RRBP1: variants seen among roughly 807,000 people sequenced by gnomAD.
RRBP1 encodes ribosome binding protein 1, also known as ribosome-binding protein 1.
Under a neutral mutation model 165.2 loss-of-function variants are expected in RRBP1, and 94 were observed. The ratio of observed to expected loss-of-function variants is 0.57; its 90% CI spans 0.48 to 0.68. RRBP1 has a LOEUF of 0.68. Ranked by LOEUF, RRBP1 falls within the 30% of genes least tolerant of loss-of-function variation. The pLI is 0.00. For synonymous variants in RRBP1, 680 were observed against 714.5 expected (o/e 0.95, Z 0.77); for missense variants, 1,676 against 1,763.0 (o/e 0.95, Z 0.88).
chr20:17,627,838 C>A (rs533279384), intron 9 of RRBP1, among the ~76,000 whole-genome samples, 156 bp from the exon 10 acceptor site: 1 of 152,188 alleles, frequency 6.6e-6, no homozygotes, highest in African/African-American at 2.4e-5. Flanking sequence ...TACTACTGAC[C>A]ACTGGGGCCT....
intron 3 of RRBP1, among the ~76,000 whole-genome samples, chr20:17,648,029 A>G (rs1329479246): frequency 6.6e-6 from 1 of 152,180 alleles, no homozygotes; most frequent in African/African-American, 2.4e-5. Context: ...AGCACCACGC[A>G]AGCAGTCATC....
intron 6 of RRBP1, 67 bp downstream of exon 6, chr20:17,636,510 C>T: frequency 6.4e-7 from 1 of 1,566,942 alleles, no homozygotes; most frequent in Non-Finnish European, 8.7e-7. Flanking sequence ...GCCTCTCTGG[C>T]TCCCTCCGTC....
intron 2 of RRBP1, among the ~76,000 whole-genome samples, chr20:17,661,144 G>A (rs2036758973): frequency 6.6e-6 from 1 of 152,196 alleles, no homozygotes; most frequent in Non-Finnish European, 1.5e-5. Context: ...TAGCCAGCAG[G>A]CCCACAGTGT....
intron 3 of RRBP1, among the ~76,000 whole-genome samples, chr20:17,646,261 G>A (rs967311880): frequency 3.3e-5 from 5 of 152,224 alleles, no homozygotes; most frequent in Admixed American, 3.3e-4. Flanking sequence ...AGATTTTTAA[G>A]TGCTATCTTC....
intron 8 of RRBP1, among the ~76,000 whole-genome samples, chr20:17,631,005 A>T (rs906922410): frequency 7.2e-5 from 11 of 152,224 alleles, no homozygotes; most frequent in African/African-American, 2.2e-4. Flanking sequence ...ATCACCAAGG[A>T]GGTGGCCACT....
At position 17,616,825 on chromosome 20, in the gene RRBP1, C is replaced by T; in HGVS notation, c.3774G>A (p.Leu1258=). 2 of 1,613,198 alleles carry T rather than the reference C, an allele frequency of 1.2e-6. No individual in the cohort carries two copies. Among genetic ancestry groups the T allele is most frequent in the East Asian group, 2.2e-5 (1 of 44,846 alleles). Residue 1258 remains leucine, a synonymous_variant, in exon 21 of 25, where the codon TTG becomes TTA. Coordinates refer to ENST00000377813, the MANE Select transcript of RRBP1 (RefSeq NM_001365613.2). ...CCTCTACGTGGCTCTTCATTTCACT[C>T]AACTGCTGCCTGACCTGGAACAGGA... ...SDELALVRQQ[L]SEMKSHVEDG...
intron 24 of RRBP1, among the ~76,000 whole-genome samples, 169 bp downstream of exon 24, chr20:17,614,568 G>A (rs577949507): frequency 7.9e-4 from 120 of 152,208 alleles, no homozygotes; most frequent in Admixed American, 2.4e-3. Flanking sequence ...CCCTCGTTAG[G>A]AAGTCTCTGT....
chr20:17,669,269 G>T (rs1407011667), intron 2 of RRBP1, among the ~76,000 whole-genome samples: 2 of 152,198 alleles, frequency 1.3e-5, no homozygotes, highest in African/African-American at 4.8e-5. Flanking sequence ...AATTTCTGGT[G>T]TCTTTCCAAA....
At chr20:17,634,612 A>T (rs1050401915) in intron 7 of RRBP1, among the ~76,000 whole-genome samples, 15 of 152,356 alleles carry the variant, frequency 9.8e-5, no homozygotes, top group Admixed American at 9.8e-4. Flanking sequence ...TGGCAGGGCC[A>T]CTGCCTCAGC....
rs542970098 is a variant in RRBP1, at chr20:17,629,873, C to A, written c.2699G>T (p.Ser900Ile). ...GGCCTTCTCGGCATCCGCCCGGAGGCTGGCGTGGCTGCTCTGCGTGTGGCA... is the reference window on the plus strand; with the variant it reads ...GGCCTTCTCGGCATCCGCCCGGAGGATGGCGTGGCTGCTCTGCGTGTGGCA... ...ELCHTQSSHA[S>I]LRADAEKAQE... Residue 900 changes from serine to isoleucine, a missense_variant, in exon 9 of 25, where the codon AGC (serine) becomes ATC (isoleucine). Physicochemically the swap from Ser to Ile is moderately radical, Grantham distance 142. Coordinates refer to ENST00000377813, the MANE Select transcript of RRBP1 (RefSeq NM_001365613.2). 1.9e-6 allele frequency: 3 copies of A among 1,600,126 alleles called. No homozygotes were observed. Among genetic ancestry groups the A allele is most frequent in the East Asian group, 2.2e-5 (1 of 44,856 alleles).
At chr20:17,633,298 T>C (rs1249180495) in intron 8 of RRBP1, among the ~76,000 whole-genome samples, 162 bp downstream of exon 8, 1 of 152,060 alleles carries the variant, frequency 6.6e-6, no homozygotes, top group Non-Finnish European at 1.5e-5. Context: ...GAGACTAAGG[T>C]GAAGAGTTTG....
intron 3 of RRBP1, among the ~76,000 whole-genome samples, chr20:17,651,998 C>G (rs1372780230): frequency 2.0e-5 from 3 of 152,156 alleles, no homozygotes; most frequent in Admixed American, 6.5e-5. Context: ...CTGGACCAGC[C>G]AGGTAACAGG....
At chr20:17,642,958 C>G (rs767750008) in intron 4 of RRBP1, 21 bp downstream of exon 4, 5 of 1,610,116 alleles carry the variant, frequency 3.1e-6, no homozygotes, top group Non-Finnish European at 4.2e-6. Flanking sequence ...CTGAGCATGG[C>G]CAGCAGGAGG....
chr20:17,648,461 G>A lies in RRBP1; in HGVS notation c.1913-5334C>T, dbSNP rs529421171. On this transcript the variant is annotated intron_variant, in intron 3 of 24. Coordinates refer to ENST00000377813, the MANE Select transcript of RRBP1 (RefSeq NM_001365613.2). ...CGGCCTTGCCCAAGCGCTGCTCAGC[G>A]CTCCTGACAGGAAGCAGGCCAAGGA... Among the ~76,000 whole-genome samples the A allele has an allele frequency of 1.6e-3, 239 of 152,346 alleles. 1 individual carries two copies. The highest frequency in any genetic ancestry group is 0.014 in the Middle Eastern group (4 of 294).
At chr20:17,641,729 G>A (rs534835214) in intron 5 of RRBP1, 68 bp downstream of exon 5, 18 of 1,586,310 alleles carry the variant, frequency 1.1e-5, no homozygotes, top group South Asian at 6.6e-5. Flanking sequence ...GGGATCCACC[G>A]TGGATGGGGC....
chr20:17,632,383 C>T (rs1194043037), intron 8 of RRBP1, among the ~76,000 whole-genome samples: 2 of 152,162 alleles, frequency 1.3e-5, no homozygotes, highest in African/African-American at 2.4e-5. Context: ...CGTCCAGGAG[C>T]CTTTAAAACA....
chr20:17,642,576 A>C (rs528197207), intron 4 of RRBP1, among the ~76,000 whole-genome samples: 1 of 152,170 alleles, frequency 6.6e-6, no homozygotes, highest in Non-Finnish European at 1.5e-5. Context: ...GAGGCACGAG[A>C]TAGCTCAGAA....
rs778767613 is a variant in RRBP1 at position 17,614,233 on chromosome 20, G to A, written c.4195-13C>T. ...TGCTGCCGTCCTCCTGTGAACGAAGGCAGGTGGCGTGAGGGGGGCTGGGCC... is the reference window on the plus strand; with the variant it reads ...TGCTGCCGTCCTCCTGTGAACGAAGACAGGTGGCGTGAGGGGGGCTGGGCC... On this transcript the variant is annotated splice_polypyrimidine_tract_variant and intron_variant, in intron 24 of 24. Transcript: ENST00000377813. 1.9e-6 allele frequency: 3 copies of A among 1,612,758 alleles called. No homozygotes were observed. Among genetic ancestry groups the A allele is most frequent in the South Asian group, 2.2e-5 (2 of 91,080 alleles).
rs1429093122 is a variant in RRBP1 at position 17,643,757 on chromosome 20, T to A, written c.1913-630A>T. ...AGAGGGAAGGCTGGCTGGGTTCTTA[T>A]AGAAAGGGCCTGTCCACTGGCCAGT... On this transcript the variant is annotated intron_variant, in intron 3 of 24. Coordinates refer to ENST00000377813, the MANE Select transcript of RRBP1 (RefSeq NM_001365613.2). This position sits in a 1 kb window ranked among gnomAD's most constrained non-coding sequence, Gnocchi z 4.3. Among the ~76,000 whole-genome samples the A allele has an allele frequency of 6.6e-6, 1 of 152,156 alleles. No individual in the cohort carries two copies. The highest frequency in any genetic ancestry group is 2.4e-5 in the African/African-American group (1 of 41,430).
Sources: gnomAD v4.1 joint callset for allele counts (sites outside exome capture counted in the v4.1 genomes callset) on GRCh38, gnomAD v4.1.1 for gene constraint, Gnocchi (gnomAD v3.1) non-coding constraint, MANE v1.5 for transcripts, NCBI Gene and HGNC (gene_info 2026-07-23, HGNC 2026-07-21) for gene names.